The following HMGN3 variants were observed in gnomAD, a reference collection of about 807,000 sequenced individuals.
The protein encoded by HMGN3 is high mobility group nucleosome-binding domain-containing protein 3.
In HMGN3, 6 loss-of-function variants were observed where a neutral mutation model predicts 18.8. The ratio of observed to expected loss-of-function variants is 0.32; its 90% CI spans 0.18 to 0.63. The LOEUF (loss-of-function observed/expected upper bound fraction) is 0.63. Ranked by LOEUF, HMGN3 falls within the 30% of genes least tolerant of loss-of-function variation. The pLI, the probability that HMGN3 is intolerant of heterozygous loss-of-function variation, is 0.79. For missense variants in HMGN3, 107 were observed against 114.2 expected (o/e 0.94, Z 0.29); for synonymous variants, 40 against 36.5 (o/e 1.10, Z -0.35).
chr6:79,207,425 C>A (rs1304300593), intron 3 of HMGN3, among the ~76,000 whole-genome samples: 1 of 152,152 alleles, frequency 6.6e-6, no homozygotes, highest in African/African-American at 2.4e-5. Context: ...AGTTTCCCTG[C>A]AGAAGCTCTC....
At chr6:79,229,281 AATATATCTACGAATC>A (rs1302979421) in intron 1 of HMGN3, among the ~76,000 whole-genome samples, 1 of 152,224 alleles carries the variant, frequency 6.6e-6, no homozygotes, top group Non-Finnish European at 1.5e-5. Flanking sequence ...AAACTGGGAG[AATATATCTACGAATC>A]ATATATCTGA....
chr6:79,222,323 T>C (rs1777342997), intron 1 of HMGN3, among the ~76,000 whole-genome samples: 1 of 152,072 alleles, frequency 6.6e-6, no homozygotes, highest in South Asian at 2.1e-4. Context: ...ATTAAATTGG[T>C]TAAAAAGAAA....
intron 1 of HMGN3, among the ~76,000 whole-genome samples, chr6:79,227,882 C>T (rs1271206852): frequency 6.6e-6 from 1 of 152,128 alleles, no homozygotes; most frequent in African/African-American, 2.4e-5. Context: ...GTGCTAGGTG[C>T]TATGGGGGAT....
intron 1 of HMGN3, among the ~76,000 whole-genome samples, chr6:79,229,494 A>G (rs1223553850): frequency 6.6e-6 from 1 of 152,220 alleles, no homozygotes; most frequent in Non-Finnish European, 1.5e-5. Context: ...AATCTCTATA[A>G]GCAAAAAATC....
intron 1 of HMGN3, among the ~76,000 whole-genome samples, chr6:79,221,018 A>G (rs1777257213): frequency 2.0e-5 from 3 of 152,174 alleles, no homozygotes; most frequent in African/African-American, 7.2e-5. Context: ...TAGGTATATT[A>G]TATTATTTCC....
intron 2 of HMGN3, among the ~76,000 whole-genome samples, chr6:79,214,069 T>G (rs570650052): frequency 6.6e-6 from 1 of 152,332 alleles, no homozygotes; most frequent in African/African-American, 2.4e-5. Flanking sequence ...TCTAGACTTT[T>G]GGAGGTTTCT....
intron 2 of HMGN3, among the ~76,000 whole-genome samples, chr6:79,211,790 T>C (rs1481045509): frequency 2.0e-5 from 3 of 152,130 alleles, no homozygotes; most frequent in Non-Finnish European, 4.4e-5. Flanking sequence ...GTGAAGCCTA[T>C]TCTGAAAGAC....
intron 1 of HMGN3, among the ~76,000 whole-genome samples, chr6:79,215,419 G>A (rs1776929349): frequency 6.6e-6 from 1 of 152,214 alleles, no homozygotes; most frequent in South Asian, 2.1e-4. Flanking sequence ...TAAGATAAGG[G>A]CAGGATGCTG....
chr6:79,202,431 C>A, intron 4 of HMGN3, 42 bp from the exon 5 acceptor site: 3 of 1,468,166 alleles, frequency 2.0e-6, no homozygotes, highest in East Asian at 4.5e-5. Flanking sequence ...ATGTTAGACA[C>A]GGTGTGATGA....
At chr6:79,215,336 C>T (rs995609386) in intron 1 of HMGN3, among the ~76,000 whole-genome samples, 1 of 152,202 alleles carries the variant, frequency 6.6e-6, no homozygotes, top group African/African-American at 2.4e-5. Flanking sequence ...GAACAGGGGC[C>T]AGAGGTCAGT....
At chr6:79,204,674 T>C (rs1419700212) in intron 3 of HMGN3, among the ~76,000 whole-genome samples, 1 of 152,196 alleles carries the variant, frequency 6.6e-6, no homozygotes, top group South Asian at 2.1e-4. Flanking sequence ...TCTAGGTAAT[T>C]CACGTTCACA....
chr6:79,206,551 A>G (rs1186485982), intron 3 of HMGN3, among the ~76,000 whole-genome samples: 1 of 152,268 alleles, frequency 6.6e-6, no homozygotes, highest in Non-Finnish European at 1.5e-5. Flanking sequence ...CGTAGATTTC[A>G]GAAGACGTAT....
At chr6:79,207,912 C>G (rs1431189706) in intron 3 of HMGN3, among the ~76,000 whole-genome samples, 2 of 152,128 alleles carry the variant, frequency 1.3e-5, no homozygotes, top group East Asian at 3.9e-4. Flanking sequence ...TAGAGTCCAG[C>G]TAATCTCTCA....
chr6:79,205,013 C>G (rs925566023), intron 3 of HMGN3, among the ~76,000 whole-genome samples: 1 of 152,100 alleles, frequency 6.6e-6, no homozygotes, highest in Non-Finnish European at 1.5e-5. Flanking sequence ...ACCCAGCATT[C>G]AAGTGTTTTG....
At chr6:79,216,815 T>A (rs926126635) in intron 1 of HMGN3, among the ~76,000 whole-genome samples, 2 of 152,164 alleles carry the variant, frequency 1.3e-5, no homozygotes, top group Non-Finnish European at 2.9e-5. Flanking sequence ...AACTCAACCC[T>A]TCTGGCCACA....
At chr6:79,207,260 C>T (rs937955680) in intron 3 of HMGN3, among the ~76,000 whole-genome samples, 6 of 152,022 alleles carry the variant, frequency 3.9e-5, no homozygotes, top group African/African-American at 1.5e-4. Context: ...GGCTATGTCC[C>T]CACCCAAATG....
At chr6:79,211,730 T>C (rs180931610) in intron 2 of HMGN3, among the ~76,000 whole-genome samples, 99 of 152,246 alleles carry the variant, frequency 6.5e-4, no homozygotes, top group Non-Finnish European at 1.2e-3. Context: ...AATTATCCCA[T>C]AGGCATCATC....
intron 1 of HMGN3, among the ~76,000 whole-genome samples, chr6:79,217,158 G>T (rs552728739): frequency 6.6e-6 from 1 of 152,278 alleles, no homozygotes; most frequent in Admixed American, 6.5e-5. Flanking sequence ...TCAGACAAAT[G>T]AACATAAGGC....
chr6:79,233,488 A>G (rs183790314), intron 1 of HMGN3, among the ~76,000 whole-genome samples: 13 of 152,250 alleles, frequency 8.5e-5, no homozygotes, highest in Admixed American at 3.9e-4. Flanking sequence ...TTTTGCTTCA[A>G]ATTTAATACC....
Sources: gnomAD v4.1 joint callset for allele counts (sites outside exome capture counted in the v4.1 genomes callset) on GRCh38, gnomAD v4.1.1 for gene constraint, MANE v1.5 for transcripts, NCBI Gene and HGNC (gene_info 2026-07-23, HGNC 2026-07-21) for gene names.